LRRC9: variants seen among roughly 807,000 people sequenced by gnomAD.
The protein encoded by LRRC9 is leucine-rich repeat-containing protein 9.
LRRC9 carries 122 observed loss-of-function variants against 63.2 expected under a neutral mutation model. The observed-to-expected ratio is 1.93, with a 90% CI of 1.67 to 2.24. LRRC9 has a LOEUF of 2.24. Among genes scored for constraint, LRRC9 ranks in the 30% most tolerant of loss-of-function variants. LRRC9 has a pLI of 0.00. For missense variants in LRRC9, 1,071 were observed against 627.7 expected (o/e 1.71, Z -7.55); for synonymous variants, 366 against 213.1 (o/e 1.72, Z -6.25).
intron 17 of LRRC9, among the ~76,000 whole-genome samples, chr14:59,996,411 A>G: frequency 6.6e-6 from 1 of 152,294 alleles, no homozygotes; most frequent in East Asian, 1.9e-4. Context: ...GTTCTATCCC[A>G]ACAATAAGAA....
chr14:60,032,595 C>A (rs1892081892), intron 29 of LRRC9, among the ~76,000 whole-genome samples: 1 of 152,170 alleles, frequency 6.6e-6, no homozygotes, highest in South Asian at 2.1e-4. Context: ...TTTGAGGGAA[C>A]CCAATAAGTA....
intron 23 of LRRC9, among the ~76,000 whole-genome samples, chr14:60,009,783 G>C (rs185020345): frequency 6.6e-6 from 1 of 152,316 alleles, no homozygotes; most frequent in Non-Finnish European, 1.5e-5. Flanking sequence ...TACAGGCATT[G>C]GGTAAATACA....
At position 59,959,833 on chromosome 14, in the gene LRRC9, G is replaced by C. The variant is rs200385264; in HGVS notation, c.898G>C (p.Ala300Pro). ...TTTTCCACAGTTGGAACGAGAACTG[G>C]CTGAACTCAAGGGCTCGGGCAAAGG... Residue 300 changes from alanine to proline, a missense_variant, in exon 9 of 32, where the codon GCT becomes CCT. Ala to Pro is a conservative substitution (Grantham distance 27). Coordinates refer to ENST00000445360, the Ensembl canonical transcript of LRRC9. 353 of 634,502 alleles carry C rather than the reference G, an allele frequency of 5.6e-4. 2 individuals are homozygous for C. The highest frequency in any genetic ancestry group is 4.2e-3 in the Middle Eastern group (17 of 4,034). 39.3% of individuals were successfully genotyped at this position (634,502 alleles called of 1,614,324 possible). A position where few individuals can be genotyped will look rare whatever the true frequency, so the allele number is the denominator to read the frequency against.
intron 27 of LRRC9, among the ~76,000 whole-genome samples, chr14:60,025,438 C>T (rs2140305061): frequency 6.6e-6 from 1 of 152,006 alleles, no homozygotes; most frequent in East Asian, 1.9e-4. Context: ...TACAAAAAAG[C>T]AGACCACCTA....
intron 27 of LRRC9, among the ~76,000 whole-genome samples, chr14:60,024,039 C>A (rs949660774): frequency 6.6e-6 from 1 of 152,120 alleles, no homozygotes; most frequent in African/African-American, 2.4e-5. Context: ...TTTATCCAGT[C>A]TAACATGGAT....
intron 4 of LRRC9, 43 bp from the exon 5 acceptor site, chr14:59,931,575 AT>A (rs1889704371): frequency 1.5e-6 from 1 of 680,802 alleles, no homozygotes; most frequent in African/African-American, 1.8e-5. Context: ...GTAAATGTTA[AT>A]TTTAATTATC....
At chr14:60,047,167 A>T (rs1001224649) in intron 29 of LRRC9, among the ~76,000 whole-genome samples, 7 of 152,148 alleles carry the variant, frequency 4.6e-5, no homozygotes, top group African/African-American at 1.7e-4. Context: ...GGATGAGATT[A>T]TCAGGTTTTC....
At chr14:59,937,290 T>C (rs145734674) in intron 6 of LRRC9, among the ~76,000 whole-genome samples, 3,228 of 152,136 alleles carry the variant, frequency 0.021, 60 homozygotes, top group South Asian at 0.05. Flanking sequence ...TTGTTTTTTT[T>C]GAATACTTAA....
chr14:60,049,736 G>A (rs1053666364), intron 29 of LRRC9, among the ~76,000 whole-genome samples: 1 of 151,978 alleles, frequency 6.6e-6, no homozygotes, highest in Non-Finnish European at 1.5e-5. Flanking sequence ...ATGTGTCTTG[G>A]GGTTGATCTT....
rs1260323220 is a variant in LRRC9, at chr14:59,923,454, A to T, written c.-34+3571A>T. 1.3e-5 allele frequency among the ~76,000 whole-genome samples: 2 copies of T among 152,204 alleles called. No individual in the cohort carries two copies. Among genetic ancestry groups the T allele is most frequent in the Non-Finnish European group, 2.9e-5 (2 of 68,026 alleles). ...GTTCTTGAGGATGACTCAAAACTGT[A>T]ATATGGAAGTTCTCCCTAAATTAAT... is the stretch of plus-strand genomic sequence containing the variant. On this transcript the variant is annotated intron_variant, in intron 1 of 31. Coordinates refer to ENST00000445360, the Ensembl canonical transcript of LRRC9. The surrounding 1 kb of genome is among the most constrained non-coding windows in gnomAD (Gnocchi z 4.2).
rs1889982282 is a variant in LRRC9, at chr14:60,008,329, C to T, written c.3186+115C>T. On this transcript the variant is annotated intron_variant, in intron 23 of 31. Coordinates refer to ENST00000445360, the Ensembl canonical transcript of LRRC9. ...TAGCATTATAGCCAAATTTACTATA[C>T]TTATTAAATCTAGGTCTCCAAAGCT... 4 of 505,836 alleles carry T rather than the reference C, an allele frequency of 7.9e-6. No individual in the cohort carries two copies. The East Asian group carries it at 1.3e-4, about 16-fold the overall frequency. The allele number at this position is 505,836 out of a possible 1,614,324, so 31.3% of individuals were successfully genotyped here.
intron 12 of LRRC9, among the ~76,000 whole-genome samples, chr14:59,970,330 C>G (rs1340552951): frequency 6.6e-6 from 1 of 152,102 alleles, no homozygotes; most frequent in Non-Finnish European, 1.5e-5. Context: ...TTTTCTTTAT[C>G]CAGTCTAAGC....
chr14:60,032,802 A>C lies in LRRC9; in HGVS notation c.3990+739A>C, dbSNP rs1437680716. On this transcript the variant is annotated intron_variant, in intron 29 of 31. Transcript: ENST00000445360. ...AGGAGAGCTTCTCTTGGAGAGCAAA[A>C]CACATTCTTCCAGAACACTTTCTTC... Among the ~76,000 whole-genome samples, 4 of 152,280 alleles carry C rather than the reference A, an allele frequency of 2.6e-5. No homozygotes were observed. In the South Asian group the frequency reaches 6.2e-4, roughly 24 times the overall value.
At chr14:59,971,125 C>A (rs542389818) in intron 12 of LRRC9, among the ~76,000 whole-genome samples, 16 of 151,984 alleles carry the variant, frequency 1.1e-4, no homozygotes, top group Non-Finnish European at 1.9e-4. Flanking sequence ...AGAAAGGGGC[C>A]CAGTTTCAAT....
At position 60,031,947 on chromosome 14, in the gene LRRC9, G is replaced by T. The variant is rs1428000768; in HGVS notation, c.3922-48G>T. The T allele has an allele frequency of 4.4e-6, 3 of 683,034 alleles. No individual in the cohort carries two copies. The highest frequency in any genetic ancestry group is 7.9e-6 in the Non-Finnish European group (3 of 378,208). The allele number at this position is 683,034 out of a possible 1,614,324, so 42.3% of individuals were successfully genotyped here. A position where few individuals can be genotyped will look rare whatever the true frequency, so the allele number is the denominator to read the frequency against. On this transcript the variant is annotated intron_variant, in intron 28 of 31. Transcript: ENST00000445360. The surrounding 1 kb of genome is among the most constrained non-coding windows in gnomAD (Gnocchi z 4.6). ...TACTTCAAATTAGTCTATATTTTAA[G>T]ATGTTGAGTCTAACCAAATAATAAC...
At position 60,019,418 on chromosome 14, in the gene LRRC9, A is replaced by AT. The variant is rs142054421; in HGVS notation, c.3566+159dup. Among the ~76,000 whole-genome samples the AT allele has an allele frequency of 2.3e-3, 349 of 152,076 alleles. 1 individual carries two copies. The highest frequency in any genetic ancestry group is 8.0e-3 in the African/African-American group (333 of 41,562). On this transcript the variant is annotated intron_variant, in intron 26 of 31. Transcript: ENST00000445360. Reference sequence around the variant, plus strand: ...TAGCTACATGCCAAAAATAAACTTCATAATAAAAAGGTACTCAAAATATTT... The same window carrying AT: ...TAGCTACATGCCAAAAATAAACTTCATTAATAAAAAGGTACTCAAAATATTT...
At chr14:60,041,416 C>A (rs1007661063) in intron 29 of LRRC9, among the ~76,000 whole-genome samples, 1 of 152,206 alleles carries the variant, frequency 6.6e-6, no homozygotes, top group Non-Finnish European at 1.5e-5. Context: ...TAGATATGGT[C>A]TTTTCACATA....
At chr14:60,057,779 A>G (rs1358218539) in intron 30 of LRRC9, 99 bp from the exon 31 acceptor site, 2 of 452,096 alleles carry the variant, frequency 4.4e-6, no homozygotes, top group Non-Finnish European at 8.0e-6. Flanking sequence ...CTGACTAAAA[A>G]GAATGTTGAT....
rs1376271174 is a variant in LRRC9, at chr14:59,942,719, C to T, written c.727-1870C>T. Reference sequence around the variant, plus strand: ...CTTCAGCCTGGGTGACAGAGTGAGACTCCGTCTCAAAAAAAAGAGTTCCCT... The same window carrying T: ...CTTCAGCCTGGGTGACAGAGTGAGATTCCGTCTCAAAAAAAAGAGTTCCCT... On this transcript the variant is annotated intron_variant, in intron 7 of 31. Transcript: ENST00000445360. The surrounding 1 kb of genome is among the most constrained non-coding windows in gnomAD (Gnocchi z 5.3). Among the ~76,000 whole-genome samples, 2 of 151,904 alleles carry T rather than the reference C, an allele frequency of 1.3e-5. No individual in the cohort carries two copies. Among genetic ancestry groups the T allele is most frequent in the African/African-American group, 2.4e-5 (1 of 41,380 alleles).
Sources: allele counts gnomAD v4.1 joint callset (sites outside exome capture counted in the v4.1 genomes callset), GRCh38; gene constraint gnomAD v4.1.1; non-coding constraint Gnocchi (gnomAD v3.1); transcripts MANE v1.5; gene names NCBI Gene and HGNC (gene_info 2026-07-23, HGNC 2026-07-21).